Variants in PASD1 observed in about 807,000 individuals in gnomAD.
The protein encoded by PASD1 is PAS domain containing repressor 1, also known as circadian clock protein PASD1.
In PASD1, 13 loss-of-function variants were observed where a neutral mutation model predicts 58.8. That is an observed-to-expected ratio of 0.22 (90% confidence interval 0.14 to 0.35). PASD1 has a LOEUF of 0.35. Ranked by LOEUF, PASD1 falls within the 10% of genes least tolerant of loss-of-function variation. PASD1 has a pLI of 1.00. For synonymous variants in PASD1, 236 were observed against 216.7 expected, an observed-to-expected ratio of 1.09 and a Z score of -0.78; for missense variants, 734 against 568.3, an observed-to-expected ratio of 1.29 and a Z score of -2.96.
chrX:151,657,083 G>T (rs182120614), intron 9 of PASD1, among the ~76,000 whole-genome samples: 3,079 of 111,611 alleles, frequency 0.028, 97 homozygotes, highest in African/African-American at 0.094. Flanking sequence ...GTTGAATTTT[G>T]TCAAAGGCCT....
intron 8 of PASD1, among the ~76,000 whole-genome samples, chrX:151,634,450 T>C (rs2013905129): frequency 8.9e-6 from 1 of 111,770 alleles, no homozygotes; most frequent in Admixed American, 9.6e-5. Context: ...TATTATCATC[T>C]ATTCCACAGT....
intron 1 of PASD1, among the ~76,000 whole-genome samples, chrX:151,581,961 C>T (rs1030052726): frequency 5.0e-5 from 5 of 100,657 alleles, no homozygotes; most frequent in Non-Finnish European, 9.9e-5. Flanking sequence ...ATAATATGTC[C>T]TTGAATCTTT....
chrX:151,600,130 G>C (rs951836375), intron 1 of PASD1, among the ~76,000 whole-genome samples: 1 of 111,830 alleles, frequency 8.9e-6, no homozygotes, highest in African/African-American at 3.3e-5. Flanking sequence ...CAGGCGTGGC[G>C]GCGTGCGCCT....
At chrX:151,653,751 CTTCTTTCTTTCTTTCTTTCTTTCT>C (rs1246137820) in intron 9 of PASD1, among the ~76,000 whole-genome samples, 38 of 16,949 alleles carry the variant, frequency 2.2e-3, no homozygotes, top group Non-Finnish European at 5.6e-3. Context: ...TCTTTCCTTC[CTTCTTTCTTTCTTTCTTTCTTTCT>C]TTCTTTCTTT....
chrX:151,648,021 CAG>C (rs1329576127), intron 8 of PASD1, among the ~76,000 whole-genome samples: 21 of 111,257 alleles, frequency 1.9e-4, no homozygotes, highest in African/African-American at 6.5e-4. Flanking sequence ...ATTTCAATAA[CAG>C]AATCTCAGTT....
intron 3 of PASD1, among the ~76,000 whole-genome samples, chrX:151,609,621 T>A (rs1208072488): frequency 8.9e-6 from 1 of 112,054 alleles, no homozygotes; most frequent in East Asian, 2.8e-4. Context: ...TCATCCATGT[T>A]GTAGTATGTG....
intron 8 of PASD1, among the ~76,000 whole-genome samples, chrX:151,630,296 C>T (rs940811137): frequency 9.0e-6 from 1 of 111,646 alleles, no homozygotes; most frequent in African/African-American, 3.3e-5. Context: ...CCTGGCTGGC[C>T]CACTAACCTG....
rs73621222 is a variant in PASD1, at chrX:151,644,246, G to A, written c.630-4369G>A. Among the ~76,000 whole-genome samples the A allele has an allele frequency of 3.6e-3, 408 of 112,221 alleles. 3 individuals carry two copies. Among genetic ancestry groups the A allele is most frequent in the African/African-American group, 0.012 (371 of 30,900 alleles). ...AAGGCAGTGTAGTTATTTTGTATTC[G>A]GAAGGATCAGGATTTGTACATTGAT... On this transcript the variant is annotated intron_variant, in intron 8 of 15. Transcript: ENST00000370357.
chrX:151,580,056 C>T (rs1179575484), intron 1 of PASD1, among the ~76,000 whole-genome samples: 1 of 111,826 alleles, frequency 8.9e-6, no homozygotes, highest in East Asian at 2.8e-4. Context: ...GTCCATAACA[C>T]CAGATGCTGA....
chrX:151,592,579 T>G (rs774245570), intron 1 of PASD1, among the ~76,000 whole-genome samples: 2 of 112,297 alleles, frequency 1.8e-5, no homozygotes, highest in African/African-American at 6.4e-5. Flanking sequence ...TTAATTTTTA[T>G]AGTAAATCAT....
chrX:151,576,490 G>A (rs1483474894), intron 1 of PASD1, among the ~76,000 whole-genome samples: 2 of 112,362 alleles, frequency 1.8e-5, no homozygotes, highest in Non-Finnish European at 3.8e-5. Context: ...GGATGTTCTT[G>A]ATTTTCACCA....
Position 151,647,023 on chromosome X carries a change from G to A in PASD1, c.630-1592G>A, listed in dbSNP as rs138578188. Among the ~76,000 whole-genome samples the A allele has an allele frequency of 7.5e-3, 840 of 112,120 alleles. 12 individuals carry two copies. Among genetic ancestry groups the A allele is most frequent in the African/African-American group, 0.025 (776 of 30,909 alleles). Reference sequence around the variant, plus strand: ...GATTTCAGTCTTGAGTGACTGGGTGGAAGGTGGCACTGTTCACCAAGTAGG... The same window carrying A: ...GATTTCAGTCTTGAGTGACTGGGTGAAAGGTGGCACTGTTCACCAAGTAGG... On this transcript the variant is annotated intron_variant, in intron 8 of 15. Transcript: ENST00000370357.
Position 151,672,626 on chromosome X carries a change from T to A in PASD1, c.1881T>A (p.Asp627Glu), listed in dbSNP as rs1225884452. The part of the protein sequence containing the change: ...AEQQPSGFYQ[D>E]ENCGQQEDES... ...AACAGCCCTCTGGCTTCTATCAAGA[T>A]GAAAACTGTGGGCAACAGGAAGATG... Residue 627 changes from aspartate to glutamate, a missense_variant, in exon 14 of 16, where the codon GAT becomes GAA. Transcript: ENST00000370357. 8.3e-7 allele frequency: 1 copy of A among 1,210,251 alleles called. No homozygotes were observed. Among genetic ancestry groups the A allele is most frequent in the African/African-American group, 1.7e-5 (1 of 57,260 alleles).
chrX:151,648,569 T>C (rs1182399799), intron 8 of PASD1, 46 bp from the exon 9 acceptor site: 1 of 1,118,979 alleles, frequency 8.9e-7, no homozygotes, highest in Admixed American at 2.4e-5. Flanking sequence ...TTGATTTAAA[T>C]GGCGAGTGAG....
Position 151,668,530 on chromosome X carries a change from C to G in PASD1, c.1072-2508C>G, listed in dbSNP as rs1400309062. On this transcript the variant is annotated intron_variant, in intron 11 of 15. Coordinates refer to ENST00000370357, the MANE Select transcript of PASD1 (RefSeq NM_173493.3). Reference sequence around the variant, plus strand: ...ATAAAAAATGATAAAGGGGATATCACCGCCAATCCCACAGAAATACAAACT... The same window carrying G: ...ATAAAAAATGATAAAGGGGATATCAGCGCCAATCCCACAGAAATACAAACT... 4.5e-5 allele frequency among the ~76,000 whole-genome samples: 5 copies of G among 110,385 alleles called. No individual in the cohort carries two copies. In the East Asian group the frequency reaches 1.1e-3, roughly 25 times the overall value.
intron 13 of PASD1, 99 bp downstream of exon 13, chrX:151,671,878 C>A: frequency 1.1e-6 from 1 of 922,855 alleles, no homozygotes; most frequent in Non-Finnish European, 1.5e-6. Context: ...TGACTATCCA[C>A]TTGGCTGCAA....
rs763606091 is a variant in PASD1 at position 151,611,706 on chromosome X, A to G, written c.160A>G (p.Ile54Val). Residue 54 changes from isoleucine to valine, a missense_variant, in exon 4 of 16, where the codon ATC becomes GTC. By Grantham distance (29) the Ile-to-Val change is conservative. Coordinates refer to ENST00000370357, the MANE Select transcript of PASD1 (RefSeq NM_173493.3). ...GATTACACTGAGCACAGATGGAGTG[A>G]TCATTTGTGTGGCTGAAAACATCTC... is the stretch of plus-strand genomic sequence containing the variant. ...FMITLSTDGV[I>V]ICVAENISSL... 1.7e-6 allele frequency: 2 copies of G among 1,207,539 alleles called. No homozygotes were observed. Among genetic ancestry groups the G allele is most frequent in the Admixed American group, 2.2e-5 (1 of 45,649 alleles).
chrX:151,634,072 C>A (rs941987049), intron 8 of PASD1, among the ~76,000 whole-genome samples: 1 of 111,851 alleles, frequency 8.9e-6, no homozygotes, highest in Non-Finnish European at 1.9e-5. Context: ...TTGAGACATT[C>A]TTTTGCTTTA....
intron 15 of PASD1, among the ~76,000 whole-genome samples, chrX:151,674,757 A>G (rs994810537): frequency 5.4e-5 from 6 of 112,017 alleles, no homozygotes; most frequent in African/African-American, 1.3e-4. Context: ...CCCACACACA[A>G]TTTCACTAAT....
Sources: gnomAD v4.1 joint callset for allele counts (sites outside exome capture counted in the v4.1 genomes callset) on GRCh38, gnomAD v4.1.1 for gene constraint, MANE v1.5 for transcripts, NCBI Gene and HGNC (gene_info 2026-07-23, HGNC 2026-07-21) for gene names.